The following PPCS variants were observed in gnomAD, a reference collection of about 807,000 sequenced individuals.
PPCS encodes phosphopantothenoylcysteine synthetase.
A neutral mutation model predicts 24.6 loss-of-function variants in PPCS; 17 were observed. The ratio of observed to expected loss-of-function variants is 0.69; its 90% CI spans 0.47 to 1.04. The LOEUF is 1.04. PPCS is among the 50% of genes least tolerant of loss of function. The pLI, the probability that PPCS is intolerant of heterozygous loss-of-function variation, is 0.00. For missense variants in PPCS, 360 were observed against 402.8 expected, an observed-to-expected ratio of 0.89 and a Z score of 0.91; for synonymous variants, 190 against 168.3, an observed-to-expected ratio of 1.13 and a Z score of -1.00.
chr1:42,456,473 C>A, upstream of PPCS: 1 of 1,337,050 alleles, frequency 7.5e-7, no homozygotes, highest in Non-Finnish European at 9.9e-7. Flanking sequence ...GAACCGCCCA[C>A]TCAGTACGGC....
chr1:42,457,167 C>A, intron 1 of PPCS, 80 bp from the exon 2 acceptor site: 1 of 1,601,356 alleles, frequency 6.2e-7, no homozygotes, highest in South Asian at 1.1e-5. Context: ...CGGATCTCAG[C>A]TGGGGAACCC....
rs184993983 is a variant in PPCS at position 42,457,454 on chromosome 1, A to G, written c.612+104A>G. The stretch of plus-strand genomic sequence containing the variant: ...CTTTCTGCATCTGTATTCGCTAGGC[A>G]CAGGGGATACAGAGATGAATAAGAC... On this transcript the variant is annotated intron_variant, in intron 2 of 2. Transcript: ENST00000372561. 3.6e-4 allele frequency: 338 copies of G among 949,198 alleles called. 2 individuals carry two copies. The highest frequency in any genetic ancestry group is 6.6e-5 in the Non-Finnish European group (39 of 588,820). The allele number at this position is 949,198 out of a possible 1,614,324, so 58.8% of individuals were successfully genotyped here.
downstream of PPCS, chr1:42,464,209 T>G (rs1643495543): frequency 6.6e-6 from 1 of 152,154 alleles, no homozygotes; most frequent in Admixed American, 6.5e-5. Flanking sequence ...CTAGGAGAAG[T>G]GCAAATTGGT....
intron 2 of PPCS, among the ~76,000 whole-genome samples, chr1:42,458,253 G>A (rs995159437): frequency 7.2e-5 from 11 of 152,216 alleles, no homozygotes; most frequent in African/African-American, 2.4e-4. Flanking sequence ...TATGAAAGAC[G>A]AAGTAGAGAA....
chr1:42,468,036 T>A (rs1054318508), intron 2 of PPCS, among the ~76,000 whole-genome samples: 1 of 152,246 alleles, frequency 6.6e-6, no homozygotes, highest in Non-Finnish European at 1.5e-5. Flanking sequence ...AGACTGTTAA[T>A]GGCTGTGTAG....
At chr1:42,471,719 A>G (rs967603715) in intron 2 of PPCS, among the ~76,000 whole-genome samples, 2 of 152,152 alleles carry the variant, frequency 1.3e-5, no homozygotes, top group African/African-American at 4.8e-5. Flanking sequence ...GTTATATGTC[A>G]TGAAGAGGAC....
intron 2 of PPCS, among the ~76,000 whole-genome samples, chr1:42,472,567 T>C (rs1643806186): frequency 6.6e-6 from 1 of 152,142 alleles, no homozygotes; most frequent in Non-Finnish European, 1.5e-5. Flanking sequence ...AAAGACTTCT[T>C]TGGACTTTAA....
intron 2 of PPCS, among the ~76,000 whole-genome samples, chr1:42,457,970 A>AC (rs1643283237): frequency 1.3e-5 from 2 of 150,836 alleles, no homozygotes; most frequent in Admixed American, 6.6e-5. Context: ...AAAAAAAAAA[A>AC]CACCAAAAAT....
At chr1:42,459,458 C>T (rs1245471586) in intron 2 of PPCS, 145 bp from the exon 3 acceptor site, 1 of 760,450 alleles carries the variant, frequency 1.3e-6, no homozygotes, top group Non-Finnish European at 2.1e-6. Context: ...CTGTGTTCCC[C>T]TAAGACTTTT....
Position 42,468,370 on chromosome 1 carries a change from G to C in PPCS, n.378-4752G>C, listed in dbSNP as rs186274802. On this transcript the variant is annotated intron_variant and non_coding_transcript_variant, in intron 2 of 2. Coordinates refer to the PPCS transcript ENST00000471420. ...TGCTCAAGCTTCAGCTATCTTGTCT[G>C]AATTCCAGCTAGTAGAAAGGAGTAA... Among the ~76,000 whole-genome samples, 133 of 152,270 alleles carry C rather than the reference G, an allele frequency of 8.7e-4. 3 individuals are homozygous for C. The highest frequency in any genetic ancestry group is 3.1e-3 in the African/African-American group (130 of 41,554).
At chr1:42,469,942 C>T (rs922958358) in intron 2 of PPCS, among the ~76,000 whole-genome samples, 1 of 152,276 alleles carries the variant, frequency 6.6e-6, no homozygotes, top group Admixed American at 6.5e-5. Context: ...AAGCTTGGCT[C>T]AGACCAGAGG....
chr1:42,457,152 A>G lies in PPCS; in HGVS notation c.508+79A>G, dbSNP rs576515154. On this transcript the variant is annotated intron_variant, in intron 1 of 2. Coordinates refer to ENST00000372561, the MANE Select transcript of PPCS (RefSeq NM_024664.4). ...CCACTTATCCCCTTACCTCCTGCTT[A>G]CCCACGGATCTCAGCTGGGGAACCC... The G allele has an allele frequency of 1.2e-5, 19 of 1,593,160 alleles. No homozygotes were observed. The East Asian group carries it at 1.3e-4, about 11-fold the overall frequency.
rs565486657 is a variant in PPCS at position 42,456,952 on chromosome 1, T to G, written c.387T>G (p.Ala129=). Residue 129 remains alanine, a synonymous_variant, in exon 1 of 3, where the codon GCT becomes GCG. Transcript: ENST00000372561. The part of the protein sequence containing the change: ...EAEENALPGF[A]EALRSYQEAA... ...AGGAGAATGCACTTCCGGGTTTTGC[T>G]GAGGCTCTGAGGAGCTACCAGGAGG... 15 of 1,605,232 alleles carry G rather than the reference T, an allele frequency of 9.3e-6. No homozygotes were observed. The Admixed American group carries it at 2.5e-4, about 27-fold the overall frequency.
chr1:42,462,759 A>G (rs2148425457), downstream of PPCS, among the ~76,000 whole-genome samples: 1 of 152,348 alleles, frequency 6.6e-6, no homozygotes, highest in East Asian at 1.9e-4. Context: ...CTGAATTTTC[A>G]GTGCTTAGGA....
downstream of PPCS, among the ~76,000 whole-genome samples, chr1:42,466,000 T>A (rs1643567517): frequency 6.6e-6 from 1 of 152,256 alleles, no homozygotes; most frequent in Non-Finnish European, 1.5e-5. Flanking sequence ...TTTTTTACAT[T>A]GCTACAGTGT....
chr1:42,460,233 T>C lies in PPCS; in HGVS notation c.*307T>C, dbSNP rs1643374032. 9.4e-6 allele frequency: 10 copies of C among 1,059,260 alleles called. No homozygotes were observed. The highest frequency in any genetic ancestry group is 1.0e-5 in the Non-Finnish European group (9 of 876,072). 65.6% of individuals were successfully genotyped at this position (1,059,260 alleles called of 1,614,324 possible). ...CATCTTTATACTATAGAAAAAGGAT[T>C]ATGGATGCATGAATGGTCATGCTTT... On this transcript the variant is annotated 3_prime_UTR_variant, in exon 3 of 3. Transcript: ENST00000372561.
At chr1:42,473,303 A>T in exon 3 of PPCS, 1 of 1,222,956 alleles carries the variant, frequency 8.2e-7, no homozygotes, top group Non-Finnish European at 1.0e-6. Context: ...AAACAAAAGA[A>T]GTGAGAACTA....
rs530864353 is a variant in PPCS, at chr1:42,458,886, A to G, written c.613-717A>G. Among the ~76,000 whole-genome samples the G allele has an allele frequency of 3.3e-5, 5 of 152,374 alleles. No individual in the cohort carries two copies. In the South Asian group the frequency reaches 6.2e-4, roughly 19 times the overall value. On this transcript the variant is annotated intron_variant, in intron 2 of 2. Transcript: ENST00000372561. ...TGACAATTTAAAAATGGAATCTAAT[A>G]GCCATTCTACCAATGCAAGAAATAT...
At position 42,457,253 on chromosome 1, in the gene PPCS, C is replaced by A; in HGVS notation, c.515C>A (p.Ser172Tyr). The change falls in exon 2 of 3, where the codon TCT (serine) becomes TAT (tyrosine). Residue 172 changes from serine (S) to tyrosine (Y), a missense_variant. By Grantham distance (144) the Ser-to-Tyr change is moderately radical. Around this residue, in one of 2 missense-constraint regions of PPCS, gnomAD observed 244 missense variants for 234.7 expected, o/e 1.04. Transcript: ENST00000372561. ...CTTGTGTTTCTCTTTGCAGGCCCTTCTGCGATGTTTTACCTGGCTGCGGCT... is the reference window on the plus strand; with the variant it reads ...CTTGTGTTTCTCTTTGCAGGCCCTTATGCGATGTTTTACCTGGCTGCGGCT... ...AAQALNPLGP[S>Y]AMFYLAAAVS... 3.1e-6 allele frequency: 5 copies of A among 1,614,096 alleles called. No individual in the cohort carries two copies. The highest frequency in any genetic ancestry group is 4.2e-6 in the Non-Finnish European group (5 of 1,180,022).
Sources: allele counts gnomAD v4.1 joint callset (sites outside exome capture counted in the v4.1 genomes callset), GRCh38; gene constraint gnomAD v4.1.1; regional missense constraint gnomAD v4.1.1; transcripts MANE v1.5; gene names NCBI Gene and HGNC (gene_info 2026-07-23, HGNC 2026-07-21).